Variants in NFIX observed in about 807,000 individuals in gnomAD.
NFIX encodes nuclear factor 1 X-type.
A neutral mutation model predicts 53.3 loss-of-function variants in NFIX; 2 were observed. The observed-to-expected ratio is 0.04, with a 90% CI of 0.02 to 0.12. NFIX has a LOEUF of 0.12. Among genes scored for constraint, NFIX ranks in the 10% least tolerant of loss-of-function variants. The pLI is 1.00. For missense variants in NFIX, 310 were observed against 674.5 expected (o/e 0.46, Z 5.99); for synonymous variants, 244 against 289.0 (o/e 0.84, Z 1.58).
rs1247213498 is a variant in NFIX, at chr19:13,013,311, TC to T, written c.28-11705del. ...GGAGGAAGCTGGCGTCGGGCTGAAG[TC>T]CCCCGAGCCACCCCTGGAGCCAGAG... On this transcript the variant is annotated intron_variant, in intron 1 of 10. Transcript: ENST00000592199. The surrounding 1 kb of genome is among the most constrained non-coding windows in gnomAD (Gnocchi z 5.9). Among the ~76,000 whole-genome samples the T allele has an allele frequency of 6.6e-6, 1 of 151,760 alleles. No individual in the cohort carries two copies. The highest frequency in any genetic ancestry group is 1.5e-5 in the Non-Finnish European group (1 of 67,932).
rs994399438 is a variant in NFIX, at chr19:13,081,906, A to G, written c.1254+51A>G. 13 of 1,598,046 alleles carry G rather than the reference A, an allele frequency of 8.1e-6. No homozygotes were observed. Among genetic ancestry groups the G allele is most frequent in the Middle Eastern group, 1.7e-4 (1 of 6,048 alleles). On this transcript the variant is annotated intron_variant, in intron 8 of 10. Transcript: ENST00000592199. The surrounding 1 kb of genome is among the most constrained non-coding windows in gnomAD (Gnocchi z 4.7). ...CGGCTACAGCCTCATCTCCACATCT[A>G]TCTGTCTGTCTCAGGGCTCACAGGG...
rs73922306 is a variant in NFIX at position 13,094,550 on chromosome 19, G to C, written c.1495-85G>C. On this transcript the variant is annotated intron_variant, in intron 10 of 10. Coordinates refer to ENST00000592199, the MANE Select transcript of NFIX (RefSeq NM_001365902.3). This position sits in a 1 kb window ranked among gnomAD's most constrained non-coding sequence, Gnocchi z 4.3. ...GGCTCTTTGGGAGCTGGACCCTTGA[G>C]GGGCCAGGTCACTGGGCCAGGTAGG... The C allele has an allele frequency of 8.7e-4, 1,240 of 1,420,914 alleles. 3 individuals carry two copies. The African/African-American group carries it at 0.016, about 19-fold the overall frequency. The allele number at this position is 1,420,914 out of a possible 1,614,324, so 88.0% of individuals were successfully genotyped here. A position where few individuals can be genotyped will look rare whatever the true frequency, so the allele number is the denominator to read the frequency against.
chr19:13,062,795 C>G (rs2016173970), intron 2 of NFIX, among the ~76,000 whole-genome samples: 1 of 152,234 alleles, frequency 6.6e-6, no homozygotes, highest in Non-Finnish European at 1.5e-5. Context: ...CAAGGCAAGT[C>G]TCTGGGTGAA....
At position 13,011,943 on chromosome 19, in the gene NFIX, G is replaced by T. The variant is rs1297032755; in HGVS notation, c.28-13078G>T. 6.6e-6 allele frequency among the ~76,000 whole-genome samples: 1 copy of T among 152,146 alleles called. No individual in the cohort carries two copies. The highest frequency in any genetic ancestry group is 6.5e-5 in the Admixed American group (1 of 15,278). ...CTCCCCAGGGCCCAGGCAGGAGGAG[G>T]GAAGGTCGTGTGCTTTCCATGTCGC... On this transcript the variant is annotated intron_variant, in intron 1 of 10. Transcript: ENST00000592199. This position sits in a 1 kb window ranked among gnomAD's most constrained non-coding sequence, Gnocchi z 6.5.
intron 1 of NFIX, among the ~76,000 whole-genome samples, chr19:13,003,701 C>T (rs1290695561): frequency 6.6e-6 from 1 of 151,946 alleles, no homozygotes; most frequent in Non-Finnish European, 1.5e-5. Context: ...CACAGTGGTG[C>T]GATCTCGGCT....
At chr19:13,064,421 G>A (rs2016277278) in intron 2 of NFIX, among the ~76,000 whole-genome samples, 1 of 152,230 alleles carries the variant, frequency 6.6e-6, no homozygotes, top group African/African-American at 2.4e-5. Flanking sequence ...AGTCTAGGGG[G>A]ACAAGCTCTA....
At chr19:13,079,883 C>A (rs1397437587) in intron 7 of NFIX, among the ~76,000 whole-genome samples, 1 of 152,222 alleles carries the variant, frequency 6.6e-6, no homozygotes, top group Non-Finnish European at 1.5e-5. Context: ...TGCAAGGACG[C>A]GTATGTGAGG....
intron 2 of NFIX, among the ~76,000 whole-genome samples, chr19:13,033,772 G>A (rs1345886009): frequency 6.6e-6 from 1 of 152,206 alleles, no homozygotes; most frequent in Non-Finnish European, 1.5e-5. Flanking sequence ...GTGCACTCAG[G>A]TGATGTGCAT....
chr19:13,023,776 T>A (rs1319813890), intron 1 of NFIX, among the ~76,000 whole-genome samples: 3 of 146,892 alleles, frequency 2.0e-5, no homozygotes, highest in Non-Finnish European at 4.5e-5. Flanking sequence ...TTCTTTTTGC[T>A]CCTTTTCAAA....
At chr19:13,038,267 T>C (rs1172776956) in intron 2 of NFIX, among the ~76,000 whole-genome samples, 1 of 152,152 alleles carries the variant, frequency 6.6e-6, no homozygotes, top group African/African-American at 2.4e-5. Flanking sequence ...AATCATCAAA[T>C]ACCTATCCCT....
chr19:13,005,700 C>T lies in NFIX; in HGVS notation c.27+9836C>T, dbSNP rs927673312. On this transcript the variant is annotated intron_variant, in intron 1 of 10. Coordinates refer to ENST00000592199, the MANE Select transcript of NFIX (RefSeq NM_001365902.3). The surrounding 1 kb of genome is among the most constrained non-coding windows in gnomAD (Gnocchi z 4.7). ...TCCTGCCGATGGGACAAAATTGCAGCTTGTTCTCTGGCCTTTCCCAAATTT... is the reference window on the plus strand; with the variant it reads ...TCCTGCCGATGGGACAAAATTGCAGTTTGTTCTCTGGCCTTTCCCAAATTT... Among the ~76,000 whole-genome samples the T allele has an allele frequency of 1.3e-5, 2 of 152,158 alleles. No individual in the cohort carries two copies. The highest frequency in any genetic ancestry group is 4.8e-5 in the African/African-American group (2 of 41,422).
At chr19:13,044,440 A>G (rs1032495972) in intron 2 of NFIX, among the ~76,000 whole-genome samples, 4 of 152,094 alleles carry the variant, frequency 2.6e-5, no homozygotes, top group African/African-American at 9.7e-5. Context: ...GTCTGTGTAC[A>G]AGTATGGGTT....
chr19:13,038,870 C>T (rs1028993692), intron 2 of NFIX, among the ~76,000 whole-genome samples: 17 of 152,132 alleles, frequency 1.1e-4, no homozygotes, highest in Non-Finnish European at 2.5e-4. Context: ...GTGGGCTACC[C>T]GTTGTGTGTG....
rs2014190719 is a variant in NFIX at position 13,036,394 on chromosome 19, G to T, written c.559+10842G>T. On this transcript the variant is annotated intron_variant, in intron 2 of 10. Transcript: ENST00000592199. The surrounding 1 kb of genome is among the most constrained non-coding windows in gnomAD (Gnocchi z 4.7). Reference sequence around the variant, plus strand: ...AGAAGAGCGTCCTCTCCAGGCCAGGGGTGGGGCTGTGGAAATGAGAAACCG... The same window carrying T: ...AGAAGAGCGTCCTCTCCAGGCCAGGTGTGGGGCTGTGGAAATGAGAAACCG... Among the ~76,000 whole-genome samples the T allele has an allele frequency of 6.6e-6, 1 of 152,092 alleles. No individual in the cohort carries two copies. The highest frequency in any genetic ancestry group is 1.5e-5 in the Non-Finnish European group (1 of 68,008).
rs2011429706 is a variant in NFIX at position 12,995,511 on chromosome 19, C to G, written c.-327C>G. 1 of 154,404 alleles carries G rather than the reference C, an allele frequency of 6.5e-6. No homozygotes were observed. Among genetic ancestry groups the G allele is most frequent in the Non-Finnish European group, 1.4e-5 (1 of 70,716 alleles). 9.6% of individuals were successfully genotyped at this position (154,404 alleles called of 1,614,324 possible). On this transcript the variant is annotated 5_prime_UTR_variant, in exon 1 of 11. Transcript: ENST00000592199. ...CACTTTCACAGCGCGGCGGCTGCGG[C>G]GGCGGCGGCGGCGGGCGAGGGTGAC... is the stretch of plus-strand genomic sequence containing the variant.
intron 1 of NFIX, among the ~76,000 whole-genome samples, chr19:13,019,679 A>G (rs559687926): frequency 7.9e-6 from 1 of 127,218 alleles, no homozygotes; most frequent in Admixed American, 7.4e-5. Context: ...ATGGGTATGT[A>G]TTTTAGAAAT....
At chr19:13,024,508 C>G (rs1168930161) in intron 1 of NFIX, 13 of 1,510,598 alleles carry the variant, frequency 8.6e-6, no homozygotes, top group Non-Finnish European at 8.8e-7. Context: ...TGGGGGCGGC[C>G]AAAAATCGAC....
intron 2 of NFIX, among the ~76,000 whole-genome samples, chr19:13,055,168 C>T (rs1475562610): frequency 6.6e-6 from 1 of 151,914 alleles, no homozygotes; most frequent in East Asian, 1.9e-4. Flanking sequence ...GGAGGAAAGC[C>T]GAGGACCTGT....
intron 2 of NFIX, among the ~76,000 whole-genome samples, chr19:13,069,510 G>A (rs2016637450): frequency 6.6e-6 from 1 of 152,252 alleles, no homozygotes; most frequent in African/African-American, 2.4e-5. Context: ...ACTGGAGGGG[G>A]CTCCCTTGTG....
Sources: allele counts gnomAD v4.1 joint callset (sites outside exome capture counted in the v4.1 genomes callset), GRCh38; gene constraint gnomAD v4.1.1; non-coding constraint Gnocchi (gnomAD v3.1); transcripts MANE v1.5; gene names NCBI Gene and HGNC (gene_info 2026-07-23, HGNC 2026-07-21).